Variants in INSR observed in about 807,000 individuals in gnomAD.
The protein encoded by INSR is IR.
Under a neutral mutation model 142.6 loss-of-function variants are expected in INSR, and 67 were observed. The observed-to-expected ratio is 0.47, with a 90% confidence interval of 0.39 to 0.58. The LOEUF is 0.58. INSR is among the 20% of genes least tolerant of loss of function. The pLI is 0.00. For synonymous variants in INSR, 756 were observed against 743.1 expected (o/e 1.02, Z -0.28); for missense variants, 1,248 against 1,833.2 (o/e 0.68, Z 5.83).
chr19:7,245,336 G>A (rs1976509001), intron 2 of INSR, among the ~76,000 whole-genome samples: 1 of 152,126 alleles, frequency 6.6e-6, no homozygotes, highest in Non-Finnish European at 1.5e-5. Context: ...AACTAGATTT[G>A]CCACTTTATA....
At chr19:7,156,024 A>G (rs1381975260) in intron 9 of INSR, among the ~76,000 whole-genome samples, 1 of 140,310 alleles carries the variant, frequency 7.1e-6, no homozygotes, top group Non-Finnish European at 1.5e-5. Context: ...ATAAGATGGG[A>G]GGGCAGAGTA....
chr19:7,168,808 T>G lies in INSR; in HGVS notation c.1484-714A>C, dbSNP rs1973946129. Among the ~76,000 whole-genome samples the G allele has an allele frequency of 2.0e-5, 3 of 152,080 alleles. No homozygotes were observed. On this transcript the variant is annotated intron_variant, in intron 6 of 21. Transcript: ENST00000302850. The surrounding 1 kb of genome is among the most constrained non-coding windows in gnomAD (Gnocchi z 4.3). ...TAGTAGAGATGGAGTTTCACCACATTGGCCAGGCTGGTCTCGAACTCCTGA... is the reference window on the plus strand; with the variant it reads ...TAGTAGAGATGGAGTTTCACCACATGGGCCAGGCTGGTCTCGAACTCCTGA...
At chr19:7,174,479 G>A in intron 4 of INSR, 104 bp downstream of exon 4, 2 of 1,317,260 alleles carry the variant, frequency 1.5e-6, no homozygotes, top group Non-Finnish European at 2.2e-6. Context: ...TAAAAGTGCT[G>A]TAGGAGCACG....
chr19:7,246,910 C>CCCTGTGTTGCCCCAGTTAA (rs1444265725), intron 2 of INSR, among the ~76,000 whole-genome samples: 42 of 123,610 alleles, frequency 3.4e-4, no homozygotes, highest in African/African-American at 1.9e-3. Flanking sequence ...GATACAAGCT[C>CCCTGTGTTGCCCCAGTTAA]CATGAATGAA....
intron 9 of INSR, among the ~76,000 whole-genome samples, chr19:7,154,927 A>G (rs1261318761): frequency 6.6e-6 from 1 of 152,054 alleles, no homozygotes; most frequent in Non-Finnish European, 1.5e-5. Flanking sequence ...TCTGTCTCAA[A>G]AAAAGGCAAC....
At chr19:7,188,033 C>T (rs375798084) in intron 2 of INSR, among the ~76,000 whole-genome samples, 1 of 152,154 alleles carries the variant, frequency 6.6e-6, no homozygotes, top group East Asian at 1.9e-4. Context: ...CACCTCCCAC[C>T]CACACACACC....
intron 2 of INSR, among the ~76,000 whole-genome samples, chr19:7,205,582 C>G (rs74255751): frequency 0.064 from 9,668 of 152,144 alleles, 986 homozygotes; most frequent in African/African-American, 0.21. Context: ...CAAATCTGCT[C>G]TCTTGGCTTC....
At chr19:7,142,389 CAAAAAAAAAAAAA>C (rs34453877) in intron 12 of INSR, among the ~76,000 whole-genome samples, 3 of 42,130 alleles carry the variant, frequency 7.1e-5, no homozygotes, top group African/African-American at 1.0e-4. Flanking sequence ...GACTTCATCT[CAAAAAAAAAAAAA>C]AAAAAAAAAA....
At chr19:7,132,921 C>T (rs1972821937) in intron 13 of INSR, among the ~76,000 whole-genome samples, 1 of 152,006 alleles carries the variant, frequency 6.6e-6, no homozygotes, top group African/African-American at 2.4e-5. Flanking sequence ...ATATTAATTT[C>T]CATAATATTA....
At chr19:7,172,878 CA>C (rs61587971) in intron 4 of INSR, among the ~76,000 whole-genome samples, 11,396 of 143,100 alleles carry the variant, frequency 0.08, 513 homozygotes, top group South Asian at 0.23. Context: ...ACTAAAACTA[CA>C]AAAAAAAAAA....
chr19:7,222,454 T>TG (rs1203932864), intron 2 of INSR, among the ~76,000 whole-genome samples: 1 of 152,112 alleles, frequency 6.6e-6, no homozygotes, highest in South Asian at 2.1e-4. Flanking sequence ...TGTTCAGTGG[T>TG]GTGACCGTAG....
chr19:7,234,797 T>C (rs1214550400), intron 2 of INSR, among the ~76,000 whole-genome samples: 1 of 152,148 alleles, frequency 6.6e-6, no homozygotes, highest in Non-Finnish European at 1.5e-5. Context: ...CAGTGGCTCA[T>C]GCCTGTAATC....
intron 3 of INSR, among the ~76,000 whole-genome samples, chr19:7,181,057 C>T (rs997847399): frequency 6.6e-6 from 1 of 152,056 alleles, no homozygotes; most frequent in Non-Finnish European, 1.5e-5. Flanking sequence ...TCTGCTGTCT[C>T]AGCCTCCCGA....
intron 1 of INSR, among the ~76,000 whole-genome samples, 181 bp from the exon 2 acceptor site, chr19:7,268,077 C>G (rs1967795458): frequency 1.3e-5 from 2 of 152,124 alleles, no homozygotes; most frequent in Non-Finnish European, 2.9e-5. Flanking sequence ...GTACCCATGC[C>G]TAAGTAATTA....
rs74495977 is a variant in INSR, at chr19:7,117,148, G to A, written c.4057C>T (p.Arg1353Trp). 1.9e-6 allele frequency: 3 copies of A among 1,614,000 alleles called. No individual in the cohort carries two copies. The highest frequency in any genetic ancestry group is 2.5e-6 in the Non-Finnish European group (3 of 1,179,966). ...RDGGSSLGFK[R>W]SYEEHIPYTH... ...TAAGGGATGTGTTCCTCGTAGCTCCGCTTGAAACCCAGCGAGGACCCTCCA... is the reference window on the plus strand; with the variant it reads ...TAAGGGATGTGTTCCTCGTAGCTCCACTTGAAACCCAGCGAGGACCCTCCA... The change falls in exon 22 of 22, where the codon CGG (arginine) becomes TGG (tryptophan). Residue 1353 changes from arginine (R) to tryptophan (W), a missense_variant. Physicochemically the swap from Arg to Trp is moderately radical, Grantham distance 101. Transcript: ENST00000302850.
rs1967775054 is a variant in INSR at position 7,267,561 on chromosome 19, T to A, written c.436A>T (p.Ile146Phe). 1.2e-6 allele frequency: 2 copies of A among 1,613,994 alleles called. No individual in the cohort carries two copies. Among genetic ancestry groups the A allele is most frequent in the Non-Finnish European group, 1.7e-6 (2 of 1,180,030 alleles). ...LMNITRGSVR[I>F]EKNNELCYLA... ...TAACAGAGCTCATTGTTCTTCTCGA[T>A]GCGGACAGAACCCCGGGTGATGTTC... The change falls in exon 2 of 22, where the codon ATC becomes TTC. Residue 146 changes from isoleucine (I) to phenylalanine (F), a missense_variant. Physicochemically the swap from Ile to Phe is conservative, Grantham distance 21. Transcript: ENST00000302850. The surrounding 1 kb of genome is among the most constrained non-coding windows in gnomAD (Gnocchi z 6.3).
intron 3 of INSR, among the ~76,000 whole-genome samples, chr19:7,177,702 A>AT (rs71177166): frequency 0.5 from 45,695 of 90,646 alleles, 11,623 homozygotes; most frequent in East Asian, 0.66. Flanking sequence ...CTAATTTTGT[A>AT]TTTTTTTTTT....
chr19:7,218,034 G>C (rs564334105), intron 2 of INSR, among the ~76,000 whole-genome samples: 1 of 152,210 alleles, frequency 6.6e-6, no homozygotes, highest in Non-Finnish European at 1.5e-5. Flanking sequence ...TGGGAGGATG[G>C]GATGGTGACG....
At chr19:7,142,686 C>G in intron 12 of INSR, 130 bp downstream of exon 12, 10 of 1,141,232 alleles carry the variant, frequency 8.8e-6, no homozygotes, top group Non-Finnish European at 1.3e-5. Flanking sequence ...GAGCAAGGCT[C>G]CGTCTCAAAC....
Sources: allele counts gnomAD v4.1 joint callset (sites outside exome capture counted in the v4.1 genomes callset), GRCh38; gene constraint gnomAD v4.1.1; non-coding constraint Gnocchi (gnomAD v3.1); transcripts MANE v1.5; gene names NCBI Gene and HGNC (gene_info 2026-07-23, HGNC 2026-07-21).